STARD6: variants seen among roughly 807,000 people sequenced by gnomAD.
STARD6 encodes StAR related lipid transfer domain containing 6, also known as stAR-related lipid transfer protein 6.
In STARD6, 21 loss-of-function variants were observed where a neutral mutation model predicts 22.3. The ratio of observed to expected loss-of-function variants is 0.94; its 90% CI spans 0.67 to 1.35. STARD6 has a LOEUF of 1.35. STARD6 is among the 40% of genes most tolerant of loss of function. STARD6 has a pLI of 0.00. For missense variants in STARD6, 269 were observed against 266.9 expected, an observed-to-expected ratio of 1.01 and a Z score of -0.05; for synonymous variants, 80 against 88.1, an observed-to-expected ratio of 0.91 and a Z score of 0.52.
chr18:54,337,928 G>GTT (rs2088932300), intron 4 of STARD6, among the ~76,000 whole-genome samples: 1 of 152,182 alleles, frequency 6.6e-6, no homozygotes, highest in Non-Finnish European at 1.5e-5. Context: ...CCAGCCAGAA[G>GTT]TTTAACAGAG....
intron 3 of STARD6, 112 bp from the exon 4 acceptor site, chr18:54,354,215 A>AAT (rs923868476): frequency 3.8e-5 from 26 of 690,146 alleles, no homozygotes; most frequent in African/African-American, 1.7e-4. Flanking sequence ...AAAAGAAAAA[A>AAT]ATATATATAT....
At chr18:54,327,085 C>A (rs967255254) in intron 7 of STARD6, among the ~76,000 whole-genome samples, 3 of 152,154 alleles carry the variant, frequency 2.0e-5, no homozygotes, top group African/African-American at 7.2e-5. Context: ...ACACTACCTA[C>A]TTTATGGGGT....
At chr18:54,332,745 AAG>A (rs1295113823) in intron 5 of STARD6, among the ~76,000 whole-genome samples, 2 of 152,190 alleles carry the variant, frequency 1.3e-5, no homozygotes, top group Non-Finnish European at 1.5e-5. Context: ...GGAGGCAGTT[AAG>A]ACACATCCTT....
chr18:54,353,814 T>C lies in STARD6; in HGVS notation c.140+240A>G, dbSNP rs562677948. 29 of 312,314 alleles carry C rather than the reference T, an allele frequency of 9.3e-5. 1 individual carries two copies. In the South Asian group the frequency reaches 3.2e-3, roughly 35 times the overall value. 19.3% of individuals were successfully genotyped at this position (312,314 alleles called of 1,614,324 possible). ...ATTTCTTGAAGTGAAAATTTCCTAT[T>C]TAGTGAATTAGTAATTAGAAGAGAT... On this transcript the variant is annotated intron_variant, in intron 4 of 7. Coordinates refer to ENST00000307844, the MANE Select transcript of STARD6 (RefSeq NM_139171.2).
intron 4 of STARD6, among the ~76,000 whole-genome samples, chr18:54,345,030 A>G (rs2089022122): frequency 6.6e-6 from 1 of 152,178 alleles, no homozygotes; most frequent in Non-Finnish European, 1.5e-5. Flanking sequence ...TAAACATTGT[A>G]TTGGAGGTAC....
intron 1 of STARD6, among the ~76,000 whole-genome samples, chr18:54,357,568 A>G (rs537201970): frequency 6.6e-6 from 1 of 152,236 alleles, no homozygotes; most frequent in South Asian, 2.1e-4. Flanking sequence ...GCTGTGGGGC[A>G]GACTCTCAGC....
intron 7 of STARD6, among the ~76,000 whole-genome samples, chr18:54,328,862 T>C (rs1401287794): frequency 3.9e-5 from 6 of 152,212 alleles, no homozygotes; most frequent in Non-Finnish European, 7.4e-5. Context: ...CTCTGATTTC[T>C]TCGGCTTTTC....
intron 4 of STARD6, among the ~76,000 whole-genome samples, chr18:54,338,592 G>A (rs540363091): frequency 4.6e-5 from 7 of 151,944 alleles, no homozygotes; most frequent in South Asian, 2.1e-4. Flanking sequence ...GATGGAGTCA[G>A]TATCCAGAGT....
rs143881156 is a variant in STARD6 at position 54,354,066 on chromosome 18, A to G, written c.128T>C (p.Phe43Ser). The G allele has an allele frequency of 6.4e-7, 1 of 1,566,254 alleles. No homozygotes were observed. Among genetic ancestry groups the G allele is most frequent in the South Asian group, 1.2e-5 (1 of 80,824 alleles). ...ITVSSKASRKFHGNLYRVEGI... is the reference protein window; with the variant it reads ...ITVSSKASRKSHGNLYRVEGI... ...AGATTGTACTCACAGATTTCCATGG[A>G]ATTTTCTAGAAGCCTTACTGGAAAC... is the stretch of plus-strand genomic sequence containing the variant. The change falls in exon 4 of 8, where the codon TTC (phenylalanine) becomes TCC (serine). Residue 43 changes from phenylalanine to serine, a missense_variant. Transcript: ENST00000307844.
In STARD6 at chr18:54,324,533, T is replaced by C. The variant is rs2088806311; in HGVS notation, c.*159A>G. The C allele has an allele frequency of 1.2e-5, 7 of 582,674 alleles. No homozygotes were observed. Among genetic ancestry groups the C allele is most frequent in the Non-Finnish European group, 2.0e-5 (7 of 358,116 alleles). The allele number at this position is 582,674 out of a possible 1,614,324, so 36.1% of individuals were successfully genotyped here. A position where few individuals can be genotyped will look rare whatever the true frequency, so the allele number is the denominator to read the frequency against. ...ATTTAATGCCATATTCTTGTACAAC[T>C]ATGAGTTCTTATTTTTATGAACTAT... On this transcript the variant is annotated 3_prime_UTR_variant, in exon 8 of 8. Transcript: ENST00000307844.
At chr18:54,351,899 G>GTTTTTTTTTTTT (rs60888927) in intron 4 of STARD6, among the ~76,000 whole-genome samples, 1 of 70,660 alleles carries the variant, frequency 1.4e-5, no homozygotes, top group African/African-American at 7.8e-5. Flanking sequence ...ATATTGGTCC[G>GTTTTTTTTTTTT]TTTTTTTTTT....
At chr18:54,329,992 TAG>T (rs2088853287) in intron 6 of STARD6, among the ~76,000 whole-genome samples, 1 of 151,974 alleles carries the variant, frequency 6.6e-6, no homozygotes. Flanking sequence ...TAAAAATCAA[TAG>T]AGTTTATTTT....
intron 4 of STARD6, among the ~76,000 whole-genome samples, chr18:54,350,646 A>C (rs1415075949): frequency 6.6e-6 from 1 of 152,168 alleles, no homozygotes; most frequent in Admixed American, 6.5e-5. Context: ...ATCCATCTTG[A>C]GTACATTTTT....
In STARD6 at chr18:54,337,184, C is replaced by T; in HGVS notation, c.208G>A (p.Asp70Asn). 1.2e-6 allele frequency: 2 copies of T among 1,613,482 alleles called. No individual in the cohort carries two copies. Among genetic ancestry groups the T allele is most frequent in the South Asian group, 1.1e-5 (1 of 91,030 alleles). The part of the protein sequence containing the change: ...KLSDFLYQTG[D>N]RITWDKSLQV... ...AATGATTTATCCCATGTAATTCTGT[C>T]TCCAGTTTGGTAGAGGAAATCAGAT... Residue 70 changes from aspartate (D) to asparagine (N), a missense_variant, in exon 5 of 8, where the codon GAC becomes AAC. Asp to Asn is a conservative substitution (Grantham distance 23). Coordinates refer to ENST00000307844, the MANE Select transcript of STARD6 (RefSeq NM_139171.2).
chr18:54,331,789 T>G lies in STARD6; in HGVS notation c.338A>C (p.Asp113Ala). The G allele has an allele frequency of 6.2e-7, 1 of 1,613,424 alleles. No homozygotes were observed. Among genetic ancestry groups the G allele is most frequent in the South Asian group, 1.1e-5 (1 of 90,944 alleles). ...TTCGTAGCGCTTGATGTACACTAAG[T>G]CGATAAAGTCTCGAGGGGAAATGGA... is the stretch of plus-strand genomic sequence containing the variant. Reference protein sequence around the residue: ...VGSISPRDFIDLVYIKRYEGN... With the variant: ...VGSISPRDFIALVYIKRYEGN... Residue 113 changes from aspartate to alanine, a missense_variant, in exon 6 of 8, where the codon GAC (aspartate) becomes GCC (alanine). Physicochemically the swap from Asp to Ala is moderately radical, Grantham distance 126 (BLOSUM62 -2). Coordinates refer to ENST00000307844, the MANE Select transcript of STARD6 (RefSeq NM_139171.2).
At chr18:54,338,820 C>G (rs922410136) in intron 4 of STARD6, among the ~76,000 whole-genome samples, 13 of 151,790 alleles carry the variant, frequency 8.6e-5, no homozygotes, top group Non-Finnish European at 2.9e-5. Context: ...GAGGCCGAGG[C>G]AGGCAGATCA....
At chr18:54,355,432 C>G (rs1176851974) in intron 2 of STARD6, among the ~76,000 whole-genome samples, 1 of 152,090 alleles carries the variant, frequency 6.6e-6, no homozygotes, top group Non-Finnish European at 1.5e-5. Flanking sequence ...AATCCTAACT[C>G]CCAGGGTGAT....
At chr18:54,345,486 A>G (rs1239406692) in intron 4 of STARD6, among the ~76,000 whole-genome samples, 4 of 152,212 alleles carry the variant, frequency 2.6e-5, no homozygotes, top group African/African-American at 9.6e-5. Flanking sequence ...AAATGGCAAT[A>G]ATTCTCCAAA....
chr18:54,354,145 T>C (rs1369698285), intron 3 of STARD6, 42 bp from the exon 4 acceptor site: 3 of 1,298,428 alleles, frequency 2.3e-6, no homozygotes, highest in Middle Eastern at 1.9e-4. Flanking sequence ...AGCTGTCAAA[T>C]GCAGGAAAAA....
Sources: gnomAD v4.1 joint callset for allele counts (sites outside exome capture counted in the v4.1 genomes callset) on GRCh38, gnomAD v4.1.1 for gene constraint, MANE v1.5 for transcripts, NCBI Gene and HGNC (gene_info 2026-07-23, HGNC 2026-07-21) for gene names.